The following MYO1D variants were observed in gnomAD, a reference collection of about 807,000 sequenced individuals.
MYO1D encodes unconventional myosin-Id.
Under a neutral mutation model 122.0 loss-of-function variants are expected in MYO1D, and 83 were observed. The ratio of observed to expected loss-of-function variants is 0.68; its 90% CI spans 0.57 to 0.82. MYO1D has a LOEUF of 0.82. MYO1D is among the 40% of genes least tolerant of loss of function. The pLI is 0.00. For missense variants in MYO1D, 1,157 were observed against 1,269.5 expected (o/e 0.91, Z 1.35); for synonymous variants, 464 against 446.9 (o/e 1.04, Z -0.48).
chr17:32,846,704 G>A (rs139094804), intron 1 of MYO1D, among the ~76,000 whole-genome samples: 54 of 152,318 alleles, frequency 3.5e-4, no homozygotes, highest in African/African-American at 1.2e-3. Context: ...TCAGGCACAG[G>A]AGTGATAACT....
chr17:32,565,732 G>GT (rs199779989), intron 21 of MYO1D, among the ~76,000 whole-genome samples: 13,807 of 150,820 alleles, frequency 0.092, 843 homozygotes, highest in South Asian at 0.18. Flanking sequence ...GAGTGTGTGT[G>GT]TTTTTTTTTT....
At chr17:32,804,119 T>C (rs1841041258) in intron 1 of MYO1D, among the ~76,000 whole-genome samples, 1 of 152,206 alleles carries the variant, frequency 6.6e-6, no homozygotes, top group Admixed American at 6.5e-5. Context: ...TAAAATGGCA[T>C]AGTATTCGCA....
At chr17:32,787,699 G>A (rs1446864442) in intron 1 of MYO1D, among the ~76,000 whole-genome samples, 2 of 152,166 alleles carry the variant, frequency 1.3e-5, no homozygotes, top group African/African-American at 4.8e-5. Flanking sequence ...TTACAGGCGT[G>A]AGCCACGGTG....
intron 13 of MYO1D, among the ~76,000 whole-genome samples, chr17:32,739,660 G>A (rs932352673): frequency 1.3e-5 from 2 of 152,162 alleles, no homozygotes; most frequent in Non-Finnish European, 2.9e-5. Context: ...ATTGGGGGTT[G>A]AGAAGAGAAA....
intron 11 of MYO1D, among the ~76,000 whole-genome samples, chr17:32,749,982 A>T (rs1441645850): frequency 6.6e-6 from 1 of 152,208 alleles, no homozygotes; most frequent in African/African-American, 2.4e-5. Context: ...TTGGCCCAAG[A>T]TCACATAGCT....
At chr17:32,724,760 A>G (rs1438375576) in intron 14 of MYO1D, among the ~76,000 whole-genome samples, 1 of 152,166 alleles carries the variant, frequency 6.6e-6, no homozygotes, top group Non-Finnish European at 1.5e-5. Flanking sequence ...TCCTTTACAG[A>G]GCCCATAATT....
chr17:32,665,913 G>A (rs1174145058), intron 16 of MYO1D, among the ~76,000 whole-genome samples: 1 of 152,178 alleles, frequency 6.6e-6, no homozygotes, highest in East Asian at 1.9e-4. Context: ...GAAGGGGTCT[G>A]GGGTGGGTGG....
In MYO1D at chr17:32,582,055, C is replaced by T. The variant is rs143484742; in HGVS notation, c.2864+23032G>A. The stretch of plus-strand genomic sequence containing the variant: ...CCTCCCAAAGTGCTGGGATTACAGA[C>T]GTGAGGCACCATGGCTGGCTGATTT... On this transcript the variant is annotated intron_variant, in intron 21 of 21. Transcript: ENST00000318217. Among the ~76,000 whole-genome samples the T allele has an allele frequency of 9.2e-5, 14 of 152,162 alleles. No individual in the cohort carries two copies. The East Asian group carries it at 1.5e-3, about 17-fold the overall frequency.
chr17:32,536,278 A>G (rs1157526210), intron 21 of MYO1D, among the ~76,000 whole-genome samples: 1 of 151,884 alleles, frequency 6.6e-6, no homozygotes, highest in Non-Finnish European at 1.5e-5. Context: ...CAAGTGATCC[A>G]TCCACCTCGG....
chr17:32,872,690 A>AT (rs780676467), intron 1 of MYO1D, among the ~76,000 whole-genome samples: 2,836 of 136,308 alleles, frequency 0.021, 39 homozygotes, highest in Middle Eastern at 0.029. Flanking sequence ...ATCTAGGTCA[A>AT]TTTTTTTTTT....
At chr17:32,742,037 TAAAAA>T (rs1232515542) in intron 13 of MYO1D, among the ~76,000 whole-genome samples, 1 of 150,498 alleles carries the variant, frequency 6.6e-6, no homozygotes, top group African/African-American at 2.4e-5. Context: ...AAAAGTAAAT[TAAAAA>T]AAAAATTTTT....
At chr17:32,802,887 T>A (rs1253113406) in intron 1 of MYO1D, among the ~76,000 whole-genome samples, 1 of 152,214 alleles carries the variant, frequency 6.6e-6, no homozygotes, top group Non-Finnish European at 1.5e-5. Flanking sequence ...AGGTACCTGC[T>A]GGTCTAAAAA....
rs1908916120 is a variant in MYO1D at position 32,492,565 on chromosome 17, T to C, written c.*2194A>G. The stretch of plus-strand genomic sequence containing the variant: ...TGGTTGACTTTATTTAAGCAAAAAT[T>C]TCACCAAGTTTTCAGTGACAGATAA... On this transcript the variant is annotated 3_prime_UTR_variant, in exon 22 of 22. Coordinates refer to ENST00000318217, the MANE Select transcript of MYO1D (RefSeq NM_015194.3). 1.3e-5 allele frequency: 2 copies of C among 152,528 alleles called. No homozygotes were observed. The highest frequency in any genetic ancestry group is 2.9e-5 in the Non-Finnish European group (2 of 68,040). 9.4% of individuals were successfully genotyped at this position (152,528 alleles called of 1,614,324 possible).
intron 21 of MYO1D, among the ~76,000 whole-genome samples, chr17:32,571,863 C>A (rs1181732589): frequency 6.6e-6 from 1 of 152,186 alleles, no homozygotes; most frequent in Non-Finnish European, 1.5e-5. Context: ...AGTCCCTTAA[C>A]CCACTGCTGG....
intron 1 of MYO1D, among the ~76,000 whole-genome samples, chr17:32,781,342 A>C (rs1300929871): frequency 6.6e-6 from 1 of 152,174 alleles, no homozygotes; most frequent in Non-Finnish European, 1.5e-5. Flanking sequence ...CATGGTGTCG[A>C]TATATCATTA....
At chr17:32,663,983 G>A (rs1007620588) in intron 16 of MYO1D, among the ~76,000 whole-genome samples, 30 of 152,140 alleles carry the variant, frequency 2.0e-4, no homozygotes, top group African/African-American at 6.5e-4. Context: ...CGGGGTTGAT[G>A]GCATGTTCTT....
At chr17:32,540,724 G>C (rs961866288) in intron 21 of MYO1D, among the ~76,000 whole-genome samples, 6 of 151,864 alleles carry the variant, frequency 4.0e-5, no homozygotes, top group African/African-American at 1.2e-4. Context: ...TCAGGAGTTC[G>C]AGACCAGCCT....
chr17:32,653,883 T>A lies in MYO1D; in HGVS notation c.2555A>T (p.Asp852Val). The stretch of plus-strand genomic sequence containing the variant: ...GGAAAAGAGGACATTCATGTATTTG[T>A]CCTTCCGTTTCAATTCATTAGCAAC... Reference protein sequence around the residue: ...VPVANELKRKDKYMNVLFSCH... With the variant: ...VPVANELKRKVKYMNVLFSCH... The change falls in exon 19 of 22, where the codon GAC becomes GTC. Residue 852 changes from aspartate to valine, a missense_variant. Asp to Val is a radical substitution (Grantham distance 152). Transcript: ENST00000318217. The A allele has an allele frequency of 6.2e-7, 1 of 1,614,056 alleles. No homozygotes were observed. The highest frequency in any genetic ancestry group is 1.1e-5 in the South Asian group (1 of 91,076).
At chr17:32,581,528 TCTTC>T (rs938460472) in intron 21 of MYO1D, among the ~76,000 whole-genome samples, 36 of 150,530 alleles carry the variant, frequency 2.4e-4, no homozygotes, top group South Asian at 1.1e-3. Flanking sequence ...TTTCTCTCTC[TCTTC>T]CTTCCTCTCT....
Sources: allele counts gnomAD v4.1 joint callset (sites outside exome capture counted in the v4.1 genomes callset), GRCh38; gene constraint gnomAD v4.1.1; transcripts MANE v1.5; gene names NCBI Gene and HGNC (gene_info 2026-07-23, HGNC 2026-07-21).